SCD5: variants seen among roughly 807,000 people sequenced by gnomAD.
SCD5 encodes the protein acyl-CoA-desaturase 4.
In SCD5, 20 loss-of-function variants were observed where a neutral mutation model predicts 30.4. The observed-to-expected ratio is 0.66, with a 90% CI of 0.46 to 0.96. SCD5 has a LOEUF of 0.96. SCD5 is among the 40% of genes least tolerant of loss of function. SCD5 has a pLI of 0.00. For missense variants in SCD5, 381 were observed against 443.3 expected (o/e 0.86, Z 1.26); for synonymous variants, 173 against 176.4 (o/e 0.98, Z 0.16).
rs1161174189 is a variant in SCD5 at position 82,630,350 on chromosome 4, A to T, written c.*977T>A. 1 of 152,122 alleles carries T rather than the reference A, an allele frequency of 6.6e-6. No homozygotes were observed. The highest frequency in any genetic ancestry group is 2.4e-5 in the African/African-American group (1 of 41,338). 9.4% of individuals were successfully genotyped at this position (152,122 alleles called of 1,614,324 possible). On this transcript the variant is annotated 3_prime_UTR_variant, in exon 5 of 5. Coordinates refer to ENST00000319540, the MANE Select transcript of SCD5 (RefSeq NM_001037582.3). The stretch of plus-strand genomic sequence containing the variant: ...CAGTTTTTGATTCTCTTAAGCAAAC[A>T]ATAAAACCACACACACACAATAATT...
At chr4:82,642,120 T>A (rs1727558204) in intron 3 of SCD5, among the ~76,000 whole-genome samples, 1 of 151,842 alleles carries the variant, frequency 6.6e-6, no homozygotes, top group Non-Finnish European at 1.5e-5. Flanking sequence ...CATTTTTTTT[T>A]ATGAGTTCCA....
intron 1 of SCD5, among the ~76,000 whole-genome samples, chr4:82,760,546 A>G (rs901401126): frequency 6.6e-6 from 1 of 152,008 alleles, no homozygotes; most frequent in African/African-American, 2.4e-5. Flanking sequence ...CACACGCACC[A>G]CCACATCCGG....
At chr4:82,719,006 G>A (rs1377774925) in intron 1 of SCD5, among the ~76,000 whole-genome samples, 1 of 151,734 alleles carries the variant, frequency 6.6e-6, no homozygotes, top group African/African-American at 2.4e-5. Flanking sequence ...ATCAGAGTGG[G>A]CAGCCTCCAT....
At chr4:82,736,360 G>C (rs543852451) in intron 1 of SCD5, among the ~76,000 whole-genome samples, 3 of 151,624 alleles carry the variant, frequency 2.0e-5, no homozygotes, top group Admixed American at 2.0e-4. Flanking sequence ...TGTAATCCCA[G>C]CACTTTGAGA....
intron 1 of SCD5, among the ~76,000 whole-genome samples, chr4:82,733,210 C>T (rs918556363): frequency 2.0e-5 from 3 of 152,156 alleles, no homozygotes; most frequent in African/African-American, 4.8e-5. Context: ...TCCACGCACA[C>T]GCCCCACACA....
At chr4:82,657,486 G>A (rs1272994656) in intron 3 of SCD5, among the ~76,000 whole-genome samples, 1 of 152,202 alleles carries the variant, frequency 6.6e-6, no homozygotes, top group Non-Finnish European at 1.5e-5. Context: ...GTACCATGCT[G>A]TTTCAGTTAC....
At chr4:82,711,597 T>C (rs1191607131) in intron 1 of SCD5, among the ~76,000 whole-genome samples, 1 of 152,086 alleles carries the variant, frequency 6.6e-6, no homozygotes, top group African/African-American at 2.4e-5. Flanking sequence ...TTCCAGCTAC[T>C]TGTGGGGCTT....
intron 3 of SCD5, among the ~76,000 whole-genome samples, chr4:82,655,339 C>T (rs1224856232): frequency 1.3e-5 from 2 of 152,042 alleles, no homozygotes; most frequent in Non-Finnish European, 2.9e-5. Context: ...AGGCTTTAAC[C>T]TTTTTACCTA....
At chr4:82,637,863 A>T (rs1727466006) in intron 3 of SCD5, among the ~76,000 whole-genome samples, 1 of 151,616 alleles carries the variant, frequency 6.6e-6, no homozygotes, top group East Asian at 2.0e-4. Context: ...CTTCTACTGT[A>T]TGGTTCTTTT....
chr4:82,694,623 A>G (rs1578025025), intron 2 of SCD5, among the ~76,000 whole-genome samples: 1 of 151,980 alleles, frequency 6.6e-6, no homozygotes, highest in Admixed American at 6.6e-5. Context: ...GAATGTTTGT[A>G]CCCCCACCAT....
intron 1 of SCD5, among the ~76,000 whole-genome samples, chr4:82,737,305 G>A (rs1466285718): frequency 6.6e-6 from 1 of 152,152 alleles, no homozygotes; most frequent in African/African-American, 2.4e-5. Context: ...CCTCTTGTGT[G>A]AACATGTTCA....
At chr4:82,783,533 G>A (rs780410325) in intron 1 of SCD5, among the ~76,000 whole-genome samples, 2 of 152,058 alleles carry the variant, frequency 1.3e-5, no homozygotes, top group Non-Finnish European at 2.9e-5. Context: ...GGCCAGGCGC[G>A]GTGGCTCACA....
intron 2 of SCD5, among the ~76,000 whole-genome samples, chr4:82,686,430 C>T (rs1375917199): frequency 2.0e-5 from 3 of 152,168 alleles, no homozygotes; most frequent in Non-Finnish European, 2.9e-5. Flanking sequence ...CAAATGAGCA[C>T]TACATATCAA....
Position 82,712,296 on chromosome 4 carries a change from A to T in SCD5, c.233-6883T>A, listed in dbSNP as rs1312331508. ...TATATATATATATATATATATATAT[A>T]TTTTATTTTTATTTTATTTTTTTTT... On this transcript the variant is annotated intron_variant, in intron 1 of 4. Coordinates refer to ENST00000319540, the MANE Select transcript of SCD5 (RefSeq NM_001037582.3). 8.3e-3 allele frequency among the ~76,000 whole-genome samples: 227 copies of T among 27,458 alleles called. 40 individuals carry two copies. Among genetic ancestry groups the T allele is most frequent in the African/African-American group, 0.028 (212 of 7,602 alleles). The allele number at this position is 27,458 out of a possible 152,430, so 18.0% of individuals were successfully genotyped here. A position where few individuals can be genotyped will look rare whatever the true frequency, so the allele number is the denominator to read the frequency against.
intron 3 of SCD5, among the ~76,000 whole-genome samples, chr4:82,679,898 A>T (rs1020858271): frequency 3.9e-5 from 6 of 152,138 alleles, no homozygotes; most frequent in African/African-American, 1.4e-4. Flanking sequence ...ATCAGTGGAG[A>T]TGGTCACTAG....
At chr4:82,670,753 G>GAC (rs1179433064) in intron 3 of SCD5, among the ~76,000 whole-genome samples, 12 of 150,778 alleles carry the variant, frequency 8.0e-5, no homozygotes, top group East Asian at 2.0e-4. Flanking sequence ...CATGTCAATT[G>GAC]ATATGGCAAA....
rs567546641 is a variant in SCD5 at position 82,753,914 on chromosome 4, C to T, written c.232+44392G>A. Among the ~76,000 whole-genome samples the T allele has an allele frequency of 1.5e-4, 23 of 152,240 alleles. No homozygotes were observed. In the South Asian group the frequency reaches 1.7e-3, roughly 11 times the overall value. On this transcript the variant is annotated intron_variant, in intron 1 of 4. Transcript: ENST00000319540. ...TGAGCCAGTCCTGATGAGAAAGCCT[C>T]GTTGCTGCCAGCTGGGAGGGTTCAA... is the stretch of plus-strand genomic sequence containing the variant.
chr4:82,682,929 T>C (rs1728611962), intron 2 of SCD5, among the ~76,000 whole-genome samples: 1 of 152,090 alleles, frequency 6.6e-6, no homozygotes, highest in Non-Finnish European at 1.5e-5. Flanking sequence ...AATTCTCCTG[T>C]CTCAGCCTCC....
chr4:82,640,260 G>A (rs1727514838), intron 3 of SCD5, among the ~76,000 whole-genome samples: 1 of 152,224 alleles, frequency 6.6e-6, no homozygotes, highest in Admixed American at 6.5e-5. Flanking sequence ...ACCCTGCCAA[G>A]TGGGTGGGTC....
Sources: gnomAD v4.1 joint callset for allele counts (sites outside exome capture counted in the v4.1 genomes callset) on GRCh38, gnomAD v4.1.1 for gene constraint, MANE v1.5 for transcripts, NCBI Gene and HGNC (gene_info 2026-07-23, HGNC 2026-07-21) for gene names.